Variants in LINGO2 observed in about 807,000 individuals in gnomAD.
LINGO2 encodes leucine-rich repeat and immunoglobulin-like domain-containing nogo receptor-interacting protein 2.
A neutral mutation model predicts 30.6 loss-of-function variants in LINGO2; 14 were observed. That is an observed-to-expected ratio of 0.46 (90% CI 0.30 to 0.72). The LOEUF is 0.72. Among genes scored for constraint, LINGO2 ranks in the 30% least tolerant of loss-of-function variants. LINGO2 has a pLI of 0.07. For synonymous variants in LINGO2, 317 were observed against 288.5 expected, an observed-to-expected ratio of 1.10 and a Z score of -1.00; for missense variants, 729 against 751.7, an observed-to-expected ratio of 0.97 and a Z score of 0.35.
chr9:29,130,883 C>T, the LINGO2 span, among the ~76,000 whole-genome samples: 1 of 152,042 alleles, frequency 6.6e-6, no homozygotes, highest in Non-Finnish European at 1.5e-5. Context: ...TTGGACACAT[C>T]TTTCCAGGGT....
chr9:28,561,350 T>C (rs1354252795), intron 1 of LINGO2, among the ~76,000 whole-genome samples: 1 of 151,852 alleles, frequency 6.6e-6, no homozygotes, highest in African/African-American at 2.4e-5. Context: ...CACTAGGAGA[T>C]ACGAACCTGA....
chr9:28,065,799 A>G (rs1448248947), intron 4 of LINGO2, among the ~76,000 whole-genome samples: 1 of 152,106 alleles, frequency 6.6e-6, no homozygotes, highest in Non-Finnish European at 1.5e-5. Context: ...AGTAATTGTT[A>G]TCAATCATAA....
Position 27,957,847 on chromosome 9 carries a change from C to T in LINGO2, c.-35-7141G>A, listed in dbSNP as rs867319559. On this transcript the variant is annotated intron_variant, in intron 5 of 5. Coordinates refer to ENST00000379992, the Ensembl canonical transcript of LINGO2. ...AACTTTCCAATTCACGAATGTTGTA[C>T]GAGCTTCTTATCTTTAGGTATTCTT... is the stretch of plus-strand genomic sequence containing the variant. Among the ~76,000 whole-genome samples, 13 of 152,270 alleles carry T rather than the reference C, an allele frequency of 8.5e-5. No individual in the cohort carries two copies. In the South Asian group the frequency reaches 1.9e-3, roughly 22 times the overall value.
chr9:28,780,830 ATGTGTGTG>A, the LINGO2 span, among the ~76,000 whole-genome samples: 639 of 127,504 alleles, frequency 5.0e-3, 8 homozygotes, highest in Non-Finnish European at 4.7e-3. Context: ...CTTGGTAGTA[ATGTGTGTG>A]TGTGTGTGTG....
chr9:28,383,463 A>G (rs1200199363), intron 2 of LINGO2, among the ~76,000 whole-genome samples: 1 of 152,084 alleles, frequency 6.6e-6, no homozygotes, highest in African/African-American at 2.4e-5. Context: ...CAACATGCTG[A>G]AGGCAGTAGA....
At chr9:28,132,652 C>T (rs1336121952) in intron 4 of LINGO2, among the ~76,000 whole-genome samples, 1 of 152,196 alleles carries the variant, frequency 6.6e-6, no homozygotes, top group African/African-American at 2.4e-5. Flanking sequence ...GTCAAAGCCC[C>T]TTATTTTAAT....
Position 28,538,761 on chromosome 9 carries a change from A to C in LINGO2, c.-364-62736T>G, listed in dbSNP as rs189751143. 7.2e-5 allele frequency among the ~76,000 whole-genome samples: 11 copies of C among 152,160 alleles called. No individual in the cohort carries two copies. The East Asian group carries it at 2.1e-3, about 29-fold the overall frequency. On this transcript the variant is annotated intron_variant, in intron 1 of 5. Coordinates refer to ENST00000379992, the Ensembl canonical transcript of LINGO2. The stretch of plus-strand genomic sequence containing the variant: ...TTATAGTAGCATTAATTCATTCGTG[A>C]ATGTGGAGTCCTCATGACCGAAACA...
At chr9:29,119,889 C>CGAA in the LINGO2 span, among the ~76,000 whole-genome samples, 1 of 152,118 alleles carries the variant, frequency 6.6e-6, no homozygotes, top group Non-Finnish European at 1.5e-5. Context: ...ACTTTGTTTT[C>CGAA]AACCATAATA....
At chr9:28,720,612 G>A in the LINGO2 span, among the ~76,000 whole-genome samples, 2 of 151,792 alleles carry the variant, frequency 1.3e-5, no homozygotes, top group Admixed American at 6.6e-5. Flanking sequence ...TAGAATTCAA[G>A]GGAAAAAAGG....
In LINGO2 at chr9:28,361,217, G is replaced by C. The variant is rs74811398; in HGVS notation, c.-246+11619C>G. Among the ~76,000 whole-genome samples the C allele has an allele frequency of 4.9e-4, 75 of 152,098 alleles. 1 individual carries two copies. The highest frequency in any genetic ancestry group is 1.7e-3 in the African/African-American group (72 of 41,488). ...GTAATGCTTATTTTACTTAATAAGC[G>C]GCCCCAAAGTGCAAGAGTAGTGATG... On this transcript the variant is annotated intron_variant, in intron 3 of 5. Coordinates refer to ENST00000379992, the Ensembl canonical transcript of LINGO2.
the LINGO2 span, among the ~76,000 whole-genome samples, chr9:29,151,180 A>C: frequency 1.3e-5 from 2 of 152,088 alleles, no homozygotes; most frequent in Admixed American, 6.5e-5. Flanking sequence ...TCATGACTGA[A>C]GGAGAAGATC....
chr9:28,809,885 T>G, the LINGO2 span, among the ~76,000 whole-genome samples: 1 of 151,798 alleles, frequency 6.6e-6, no homozygotes, highest in South Asian at 2.1e-4. Context: ...CCGAAAACAC[T>G]ATGAGATCTT....
the LINGO2 span, among the ~76,000 whole-genome samples, chr9:28,887,776 G>A: frequency 2.0e-5 from 3 of 152,064 alleles, no homozygotes; most frequent in Admixed American, 6.6e-5. Context: ...AGTGATTGAC[G>A]ATACTTCTGT....
the LINGO2 span, among the ~76,000 whole-genome samples, chr9:29,192,600 G>T: frequency 6.6e-6 from 1 of 152,076 alleles, no homozygotes; most frequent in Non-Finnish European, 1.5e-5. Context: ...ACTTGCCAGT[G>T]ATATAACATT....
chr9:28,066,037 C>CA (rs1015322323), intron 4 of LINGO2, among the ~76,000 whole-genome samples: 5 of 151,272 alleles, frequency 3.3e-5, no homozygotes, highest in Non-Finnish European at 5.9e-5. Context: ...TCCTGTATGC[C>CA]AAAAAAAAGC....
the LINGO2 span, among the ~76,000 whole-genome samples, chr9:29,148,291 A>G: frequency 6.6e-6 from 1 of 152,176 alleles, no homozygotes; most frequent in Admixed American, 6.5e-5. Context: ...CCATTTCACT[A>G]AGAGAAAACA....
At chr9:29,113,627 G>A in the LINGO2 span, among the ~76,000 whole-genome samples, 22 of 152,148 alleles carry the variant, frequency 1.4e-4, no homozygotes, top group African/African-American at 4.6e-4. Flanking sequence ...TGCCAAAATC[G>A]TGGTGCCCAC....
rs77299104 is a variant in LINGO2, at chr9:28,260,703, G to C, written c.-87+34505C>G. The stretch of plus-strand genomic sequence containing the variant: ...ATACCTATACCTGTACATCAAACCA[G>C]CTCTGAGACAGATGAGTTTATTTCT... On this transcript the variant is annotated intron_variant, in intron 4 of 5. Coordinates refer to ENST00000379992, the Ensembl canonical transcript of LINGO2. Among the ~76,000 whole-genome samples the C allele has an allele frequency of 6.2e-4, 94 of 151,946 alleles. 1 individual carries two copies. In the East Asian group the frequency reaches 0.016, roughly 25 times the overall value.
At chr9:29,006,718 A>G in the LINGO2 span, among the ~76,000 whole-genome samples, 196 of 152,182 alleles carry the variant, frequency 1.3e-3, no homozygotes, top group South Asian at 0.01. Flanking sequence ...TCTACTTATT[A>G]AATATTCAAC....
Sources: allele counts gnomAD v4.1 joint callset (sites outside exome capture counted in the v4.1 genomes callset), GRCh38; gene constraint gnomAD v4.1.1; transcripts MANE v1.5; gene names NCBI Gene and HGNC (gene_info 2026-07-23, HGNC 2026-07-21).